FGF1: variants seen among roughly 807,000 people sequenced by gnomAD.
FGF1 encodes the protein fibroblast growth factor 1.
Under a neutral mutation model 13.4 loss-of-function variants are expected in FGF1, and 9 were observed. The observed-to-expected ratio is 0.67, with a 90% CI of 0.40 to 1.17. The LOEUF is 1.17. Among genes scored for constraint, FGF1 ranks in the 50% most tolerant of loss-of-function variants. The pLI is 0.01. For synonymous variants in FGF1, 93 were observed against 79.0 expected, an observed-to-expected ratio of 1.18 and a Z score of -0.94; for missense variants, 156 against 192.7, an observed-to-expected ratio of 0.81 and a Z score of 1.13.
chr5:142,617,364 C>CAA (rs113175195), intron 1 of FGF1, among the ~76,000 whole-genome samples: 1 of 141,308 alleles, frequency 7.1e-6, no homozygotes, highest in Non-Finnish European at 1.6e-5. Flanking sequence ...GACTCTGTCT[C>CAA]AAAAAAAAAA....
chr5:142,638,259 C>G (rs938761799), intron 1 of FGF1, among the ~76,000 whole-genome samples: 2 of 151,992 alleles, frequency 1.3e-5, no homozygotes, highest in Non-Finnish European at 2.9e-5. Flanking sequence ...TTACTCTCAC[C>G]TTGAGCCTTT....
At chr5:142,673,165 G>T (rs56331822) in intron 1 of FGF1, among the ~76,000 whole-genome samples, 21,453 of 152,214 alleles carry the variant, frequency 0.14, 1,847 homozygotes, top group Non-Finnish European at 0.19. Context: ...AACTGTTCAG[G>T]CTATTCAGGC....
chr5:142,639,020 A>G (rs1764731178), intron 1 of FGF1, among the ~76,000 whole-genome samples: 1 of 152,034 alleles, frequency 6.6e-6, no homozygotes, highest in Non-Finnish European at 1.5e-5. Flanking sequence ...ACAAAAGATA[A>G]CAAGTATTGG....
At chr5:142,638,840 C>T (rs1178325593) in intron 1 of FGF1, among the ~76,000 whole-genome samples, 1 of 151,904 alleles carries the variant, frequency 6.6e-6, no homozygotes, top group East Asian at 1.9e-4. Flanking sequence ...AGAAAGCAAT[C>T]CCATTAAAAA....
chr5:142,630,706 C>T (rs1052202102), intron 1 of FGF1, among the ~76,000 whole-genome samples: 3 of 152,102 alleles, frequency 2.0e-5, no homozygotes, highest in East Asian at 1.9e-4. Flanking sequence ...CAAATTGGTC[C>T]CTCTGCAGCA....
At chr5:142,598,256 G>A (rs905059584) in intron 3 of FGF1, among the ~76,000 whole-genome samples, 2 of 152,140 alleles carry the variant, frequency 1.3e-5, no homozygotes, top group South Asian at 4.1e-4. Context: ...CCCACCTGAT[G>A]TCTCTATTAT....
At chr5:142,653,937 C>T (rs1029060091) in intron 1 of FGF1, among the ~76,000 whole-genome samples, 2 of 152,086 alleles carry the variant, frequency 1.3e-5, no homozygotes, top group African/African-American at 4.8e-5. Context: ...ACTAAAAATA[C>T]AAAAATTAGC....
intron 1 of FGF1, 131 bp from the exon 2 acceptor site, chr5:142,614,292 G>T: frequency 1.5e-6 from 1 of 680,846 alleles, no homozygotes; most frequent in Non-Finnish European, 2.5e-6. Context: ...CCCAGGTGAT[G>T]CCCGCAGTCC....
At chr5:142,618,653 T>C (rs1760740374) in intron 1 of FGF1, among the ~76,000 whole-genome samples, 1 of 152,182 alleles carries the variant, frequency 6.6e-6, no homozygotes, top group African/African-American at 2.4e-5. Flanking sequence ...CCCTGTGCTG[T>C]AAGCCACAAA....
chr5:142,635,073 T>G (rs1764025460), intron 1 of FGF1, among the ~76,000 whole-genome samples: 1 of 152,196 alleles, frequency 6.6e-6, no homozygotes, highest in Admixed American at 6.5e-5. Context: ...AGGGGCTGAA[T>G]GTCTTAAGGG....
intron 1 of FGF1, among the ~76,000 whole-genome samples, chr5:142,642,536 G>C (rs1010116901): frequency 6.6e-6 from 1 of 152,174 alleles, no homozygotes; most frequent in African/African-American, 2.4e-5. Context: ...GAACACACAG[G>C]GCTTCTGAAC....
intron 1 of FGF1, among the ~76,000 whole-genome samples, chr5:142,669,077 G>C (rs1337654826): frequency 6.6e-6 from 1 of 152,256 alleles, no homozygotes; most frequent in Non-Finnish European, 1.5e-5. Context: ...CCGCTGAGCG[G>C]GGGGTTTTCA....
intron 1 of FGF1, among the ~76,000 whole-genome samples, chr5:142,634,207 A>AG (rs1763884229): frequency 6.6e-6 from 1 of 151,772 alleles, no homozygotes; most frequent in African/African-American, 2.4e-5. Flanking sequence ...AAAAAAAAAA[A>AG]AAAAAACTCC....
chr5:142,652,544 C>A (rs1235184850), intron 1 of FGF1, among the ~76,000 whole-genome samples: 1 of 152,212 alleles, frequency 6.6e-6, no homozygotes, highest in African/African-American at 2.4e-5. Flanking sequence ...ACCCTGAAGA[C>A]CCCCTTTAGG....
upstream of FGF1, among the ~76,000 whole-genome samples, chr5:142,690,575 T>C (rs1387452726): frequency 2.0e-5 from 3 of 152,170 alleles, no homozygotes; most frequent in East Asian, 5.8e-4. Context: ...GCGTAATTGT[T>C]TGTTTTTCAC....
At position 142,594,063 on chromosome 5, in the gene FGF1, A is replaced by G. The variant is rs1376251223; in HGVS notation, c.*1227T>C. ...TAAAATCATGCTCCTTAGTACAGGC[A>G]TAACTATTGTCAGTGCTGCCTGAAT... On this transcript the variant is annotated 3_prime_UTR_variant, in exon 4 of 4. Transcript: ENST00000337706. 1 of 152,550 alleles carries G rather than the reference A, an allele frequency of 6.6e-6. No homozygotes were observed. Among genetic ancestry groups the G allele is most frequent in the Non-Finnish European group, 1.5e-5 (1 of 68,038 alleles). 9.4% of individuals were successfully genotyped at this position (152,550 alleles called of 1,614,324 possible).
chr5:142,628,842 G>A (rs1290960849), intron 1 of FGF1, among the ~76,000 whole-genome samples: 1 of 152,182 alleles, frequency 6.6e-6, no homozygotes, highest in Non-Finnish European at 1.5e-5. Context: ...GAACGTCAGA[G>A]TGACTTCTTG....
At chr5:142,657,556 ATGT>A (rs1162188595) in intron 1 of FGF1, among the ~76,000 whole-genome samples, 2 of 152,178 alleles carry the variant, frequency 1.3e-5, no homozygotes, top group Admixed American at 6.5e-5. Flanking sequence ...TCAGCTGTGA[ATGT>A]TGTTCTTTTT....
intron 1 of FGF1, among the ~76,000 whole-genome samples, chr5:142,652,685 C>T (rs1030931069): frequency 6.6e-6 from 1 of 152,232 alleles, no homozygotes; most frequent in Non-Finnish European, 1.5e-5. Context: ...GCCTGGCACA[C>T]ATCACAGCAC....
Sources: allele counts gnomAD v4.1 joint callset (sites outside exome capture counted in the v4.1 genomes callset), GRCh38; gene constraint gnomAD v4.1.1; transcripts MANE v1.5; gene names NCBI Gene and HGNC (gene_info 2026-07-23, HGNC 2026-07-21).